Variants in MS4A5 observed in about 807,000 individuals in gnomAD.
The protein encoded by MS4A5 is membrane spanning 4-domains A5, also known as membrane-spanning 4-domains subfamily A member 5.
Under a neutral mutation model 18.2 loss-of-function variants are expected in MS4A5, and 15 were observed. The ratio of observed to expected loss-of-function variants is 0.83; its 90% CI spans 0.55 to 1.27. The LOEUF is 1.27. Ranked by LOEUF, MS4A5 falls within the 50% of genes most tolerant of loss-of-function variation. MS4A5 has a pLI of 0.00. For missense variants in MS4A5, 232 were observed against 225.7 expected (o/e 1.03, Z -0.18); for synonymous variants, 89 against 78.7 (o/e 1.13, Z -0.69).
intron 4 of MS4A5, among the ~76,000 whole-genome samples, chr11:60,442,467 A>G (rs1305186645): frequency 6.6e-6 from 1 of 152,178 alleles, no homozygotes; most frequent in Non-Finnish European, 1.5e-5. Context: ...AGGGAAGGGA[A>G]TATCACACAC....
intron 4 of MS4A5, among the ~76,000 whole-genome samples, chr11:60,441,292 G>T (rs183913344): frequency 3.2e-5 from 4 of 123,824 alleles, no homozygotes; most frequent in South Asian, 2.7e-4. Flanking sequence ...TGGAGGGAGG[G>T]GGGGAGGGAT....
chr11:60,430,467 C>G lies in MS4A5; in HGVS notation c.154-329C>G, dbSNP rs75821873. ...AAGAACTGAAGAACTTATGAAGACA[C>G]AGGTTTCCCAGCCTCACCTGGAGAC... On this transcript the variant is annotated intron_variant, in intron 1 of 4. Coordinates refer to ENST00000300190, the MANE Select transcript of MS4A5 (RefSeq NM_023945.3). Among the ~76,000 whole-genome samples the G allele has an allele frequency of 7.8e-3, 1,186 of 152,278 alleles. 13 individuals are homozygous for G. The highest frequency in any genetic ancestry group is 0.025 in the African/African-American group (1,021 of 41,544).
chr11:60,438,448 A>T (rs2086092641), intron 4 of MS4A5, among the ~76,000 whole-genome samples: 1 of 152,124 alleles, frequency 6.6e-6, no homozygotes, highest in South Asian at 2.1e-4. Context: ...GGAAATAGAG[A>T]CACAAAAAAC....
At chr11:60,445,359 A>G (rs2086133337) in intron 4 of MS4A5, among the ~76,000 whole-genome samples, 1 of 151,834 alleles carries the variant, frequency 6.6e-6, no homozygotes, top group Non-Finnish European at 1.5e-5. Flanking sequence ...TCCCAGGTTC[A>G]AGTGATTCTC....
chr11:60,438,109 A>G (rs2086090822), intron 4 of MS4A5, among the ~76,000 whole-genome samples: 1 of 152,108 alleles, frequency 6.6e-6, no homozygotes, highest in African/African-American at 2.4e-5. Context: ...AGAACTCAGG[A>G]TTAAGAATCT....
rs947555835 is a variant in MS4A5, at chr11:60,437,480, A to G, written c.492+3563A>G. On this transcript the variant is annotated intron_variant, in intron 4 of 4. Transcript: ENST00000300190. ...CCAATTAATAGACACAGACTGGCAA[A>G]TTGGATAAAGAGTCAAGACCCATCA... 8.1e-4 allele frequency among the ~76,000 whole-genome samples: 124 copies of G among 152,338 alleles called. 1 individual carries two copies. Among genetic ancestry groups the G allele is most frequent in the African/African-American group, 2.9e-3 (121 of 41,566 alleles).
At chr11:60,435,890 T>A (rs1016494281) in intron 4 of MS4A5, among the ~76,000 whole-genome samples, 52 of 152,308 alleles carry the variant, frequency 3.4e-4, no homozygotes, top group African/African-American at 9.9e-4. Context: ...TGCTTAGGTA[T>A]ACAAAGCAGC....
At position 60,433,494 on chromosome 11, in the gene MS4A5, A is replaced by C. The variant is rs2086062279; in HGVS notation, c.340-271A>C. Among the ~76,000 whole-genome samples, 5 of 152,336 alleles carry C rather than the reference A, an allele frequency of 3.3e-5. No homozygotes were observed. The South Asian group carries it at 1.0e-3, about 32-fold the overall frequency. On this transcript the variant is annotated intron_variant, in intron 3 of 4. Coordinates refer to ENST00000300190, the MANE Select transcript of MS4A5 (RefSeq NM_023945.3). ...CAGAAAATCAAAATGCAATTGTTAC[A>C]GGCACACCCTTCCTCCCAACTGAAT...
In MS4A5 at chr11:60,447,697, T is replaced by C. The variant is rs777678921; in HGVS notation, c.541T>C (p.Ser181Pro). 6.2e-7 allele frequency: 1 copy of C among 1,600,246 alleles called. No homozygotes were observed. The change falls in exon 5 of 5, where the codon TCT becomes CCT. Residue 181 changes from serine to proline, a missense_variant. Physicochemically the swap from Ser to Pro is moderately conservative, Grantham distance 74. Transcript: ENST00000300190. ...TTTCAGCATTATTGAATTATTCATTTCTCTGCCTTTCTCAATTTTGGGGTG... is the reference window on the plus strand; with the variant it reads ...TTTCAGCATTATTGAATTATTCATTCCTCTGCCTTTCTCAATTTTGGGGTG... ...MTFSIIELFISLPFSILGCHS... is the reference protein window; with the variant it reads ...MTFSIIELFIPLPFSILGCHS...
At position 60,430,849 on chromosome 11, in the gene MS4A5, T is replaced by C; in HGVS notation, c.207T>C (p.Leu69=). The C allele has an allele frequency of 6.2e-7, 1 of 1,613,548 alleles. No homozygotes were observed. Residue 69 remains leucine (L), a synonymous_variant, in exon 2 of 5, where the codon CTT becomes CTC. Transcript: ENST00000300190. ...CCTTTTCTTTTGGAGTTATCTTCCTTTTCACCTTGTTAAAACCATATCCAA... is the reference window on the plus strand; with the variant it reads ...CCTTTTCTTTTGGAGTTATCTTCCTCTTCACCTTGTTAAAACCATATCCAA... ...IMTFSFGVIF[L]FTLLKPYPRF...
At chr11:60,447,519 C>T in intron 4 of MS4A5, 130 bp from the exon 5 acceptor site, 1 of 598,454 alleles carries the variant, frequency 1.7e-6, no homozygotes, top group South Asian at 2.1e-5. Context: ...GATTCCTAAG[C>T]ATCAGATACA....
Position 60,429,699 on chromosome 11 carries a change from C to A in MS4A5, c.25C>A (p.Pro9Thr). 1 of 1,613,524 alleles carries A rather than the reference C, an allele frequency of 6.2e-7. No homozygotes were observed. The highest frequency in any genetic ancestry group is 8.5e-7 in the Non-Finnish European group (1 of 1,179,786). The change falls in exon 1 of 5, where the codon CCG (proline) becomes ACG (threonine). Residue 9 changes from proline (P) to threonine (T), a missense_variant. Transcript: ENST00000300190. ...CATGGATTCAAGCACCGCACACAGT[C>A]CGGTGTTTCTGGTATTTCCTCCAGA... MDSSTAHSPVFLVFPPEIT... is the reference protein window; with the variant it reads MDSSTAHSTVFLVFPPEIT...
intron 4 of MS4A5, chr11:60,435,464 C>A: frequency 2.4e-6 from 1 of 421,056 alleles, no homozygotes; most frequent in Non-Finnish European, 4.6e-6. Context: ...CGGTCTACAG[C>A]TCCCAGCGTG....
intron 4 of MS4A5, among the ~76,000 whole-genome samples, chr11:60,441,428 T>TAG (rs2086111326): frequency 1.1e-5 from 1 of 91,632 alleles, no homozygotes. Context: ...TAAAGTATAA[T>TAG]AAAAAAAAAG....
Position 60,447,723 on chromosome 11 carries a change from C to T in MS4A5, c.567C>T (p.Cys189=). The change falls in exon 5 of 5, where the codon TGC becomes TGT. Residue 189 remains cysteine (C), a synonymous_variant. Transcript: ENST00000300190. Reference sequence around the variant, plus strand: ...CTCTGCCTTTCTCAATTTTGGGGTGCCACTCAGAGGATTGTGATTGTGAAC... The same window carrying T: ...CTCTGCCTTTCTCAATTTTGGGGTGTCACTCAGAGGATTGTGATTGTGAAC... ...FISLPFSILG[C]HSEDCDCEQC... is the part of the protein sequence containing the mutation. The T allele has an allele frequency of 6.3e-7, 1 of 1,599,634 alleles. No individual in the cohort carries two copies. Among genetic ancestry groups the T allele is most frequent in the Non-Finnish European group, 8.5e-7 (1 of 1,175,408 alleles).
intron 4 of MS4A5, among the ~76,000 whole-genome samples, chr11:60,443,387 G>T (rs2086123781): frequency 6.6e-6 from 1 of 151,100 alleles, no homozygotes; most frequent in African/African-American, 2.4e-5. Flanking sequence ...GTTATACAAG[G>T]CTCAAAGAAT....
intron 4 of MS4A5, chr11:60,435,538 G>T (rs2086074335): frequency 2.7e-6 from 1 of 374,798 alleles, no homozygotes; most frequent in East Asian, 7.2e-5. Flanking sequence ...TCTCACTAGG[G>T]AGTGCCAGAC....
At chr11:60,447,544 G>A (rs559171429) in intron 4 of MS4A5, 105 bp from the exon 5 acceptor site, 16 of 635,098 alleles carry the variant, frequency 2.5e-5, no homozygotes, top group African/African-American at 2.1e-4. Flanking sequence ...AGATATTTGG[G>A]GAAGCTTTTA....
chr11:60,430,047 C>T (rs1219207130), intron 1 of MS4A5, among the ~76,000 whole-genome samples: 2 of 152,150 alleles, frequency 1.3e-5, no homozygotes, highest in Non-Finnish European at 2.9e-5. Flanking sequence ...GACTCACCTA[C>T]TTAAAAAGTG....
Sources: gnomAD v4.1 joint callset for allele counts (sites outside exome capture counted in the v4.1 genomes callset) on GRCh38, gnomAD v4.1.1 for gene constraint, MANE v1.5 for transcripts, NCBI Gene and HGNC (gene_info 2026-07-23, HGNC 2026-07-21) for gene names.